Variants in LRRFIP1 observed in about 807,000 individuals in gnomAD.
The protein encoded by LRRFIP1 is LRR binding FLII interacting protein 1.
In LRRFIP1, 62 loss-of-function variants were observed where a neutral mutation model predicts 104.4. The ratio of observed to expected loss-of-function variants is 0.59; its 90% CI spans 0.48 to 0.73. LRRFIP1 has a LOEUF of 0.73. LRRFIP1 is among the 30% of genes least tolerant of loss of function. The probability of loss-of-function intolerance (pLI) is 0.00; values close to 1 mark genes in which losing one functional copy is unlikely to be tolerated. For synonymous variants in LRRFIP1, 300 were observed against 299.0 expected (o/e 1.00, Z -0.03); for missense variants, 796 against 824.5 (o/e 0.97, Z 0.42).
intron 1 of LRRFIP1, among the ~76,000 whole-genome samples, chr2:237,693,469 C>T (rs921521853): frequency 1.3e-5 from 2 of 152,176 alleles, no homozygotes; most frequent in Admixed American, 6.5e-5. Flanking sequence ...CTTTGCTTGT[C>T]AGATGGTTGC....
At chr2:237,631,948 C>A (rs1414870679) in intron 1 of LRRFIP1, among the ~76,000 whole-genome samples, 4 of 152,228 alleles carry the variant, frequency 2.6e-5, no homozygotes, top group African/African-American at 9.6e-5. Context: ...CAAGCTGGCC[C>A]CTCTGTGGCC....
Position 237,709,855 on chromosome 2 carries a change from AT to A in LRRFIP1, c.183+1240del, listed in dbSNP as rs112212389. Among the ~76,000 whole-genome samples the A allele has an allele frequency of 5.7e-3, 827 of 144,358 alleles. 1 individual carries two copies. Among genetic ancestry groups the A allele is most frequent in the South Asian group, 9.5e-3 (43 of 4,548 alleles). 94.7% of individuals were successfully genotyped at this position (144,358 alleles called of 152,430 possible). A position where few individuals can be genotyped will look rare whatever the true frequency, so the allele number is the denominator to read the frequency against. ...TGGTTTTTAAATATGTATATGTATAATTTTTTTTTTTTTTTGAGATCAAGTC... is the reference window on the plus strand; with the variant it reads ...TGGTTTTTAAATATGTATATGTATAATTTTTTTTTTTTTTGAGATCAAGTC... On this transcript the variant is annotated intron_variant, in intron 2 of 23. Coordinates refer to ENST00000308482, the MANE Select transcript of LRRFIP1 (RefSeq NM_001137550.2).
rs780236570 is a variant in LRRFIP1, at chr2:237,733,791, C to T, written c.462C>T (p.Ser154=). 7.4e-6 allele frequency: 12 copies of T among 1,614,052 alleles called. No individual in the cohort carries two copies. The highest frequency in any genetic ancestry group is 2.7e-5 in the African/African-American group (2 of 75,074). Residue 154 remains serine (S), a synonymous_variant, in exon 9 of 24, where the codon AGC becomes AGT. Transcript: ENST00000308482. ...RRSGRPSCLY[S]AARPSGSYRA... ...TCCTCCAGCCCTCCTGTCTGTACAG[C>T]GCTGCCCGGCCTTCGGGGAGTTACC...
rs1474383702 is a variant in LRRFIP1 at position 237,640,905 on chromosome 2, G to A, written c.96+13165G>A. Among the ~76,000 whole-genome samples, 10 of 152,198 alleles carry A rather than the reference G, an allele frequency of 6.6e-5. No individual in the cohort carries two copies. In the South Asian group the frequency reaches 1.5e-3, roughly 22 times the overall value. On this transcript the variant is annotated intron_variant, in intron 1 of 23. Transcript: ENST00000308482. ...CTCTCTTTTCGCTTGGCCAAAAGGC[G>A]TGCATCTCAGCCTGCTGGGATGGGA...
At chr2:237,698,190 A>G (rs148954951) in intron 1 of LRRFIP1, among the ~76,000 whole-genome samples, 1 of 152,386 alleles carries the variant, frequency 6.6e-6, no homozygotes, top group African/African-American at 2.4e-5. Context: ...AGCAAAACAG[A>G]CACAGTCTGT....
intron 1 of LRRFIP1, among the ~76,000 whole-genome samples, chr2:237,678,552 C>T (rs999672148): frequency 1.3e-5 from 2 of 152,112 alleles, no homozygotes; most frequent in African/African-American, 2.4e-5. Flanking sequence ...GTCACCCAGG[C>T]TGGAATGCAG....
chr2:237,687,130 A>G (rs59076761), intron 1 of LRRFIP1, among the ~76,000 whole-genome samples: 6,506 of 152,320 alleles, frequency 0.043, 372 homozygotes, highest in African/African-American at 0.13. Context: ...AGGGCTGAGG[A>G]GACCTGGGTT....
chr2:237,770,010 A>G lies in LRRFIP1; in HGVS notation c.1509+18A>G. The stretch of plus-strand genomic sequence containing the variant: ...TGGAACAGGTAACAATCTTTTTATT[A>G]CTTTACCGGTTCATGAACAGGGCAC... On this transcript the variant is annotated intron_variant, in intron 20 of 23. Coordinates refer to ENST00000308482, the MANE Select transcript of LRRFIP1 (RefSeq NM_001137550.2). 6.3e-7 allele frequency: 1 copy of G among 1,592,620 alleles called. No individual in the cohort carries two copies.
chr2:237,758,959 G>A, intron 18 of LRRFIP1, 138 bp downstream of exon 18: 1 of 573,234 alleles, frequency 1.7e-6, no homozygotes, highest in Non-Finnish European at 3.0e-6. Context: ...TTCATATATT[G>A]GGTTAACTGA....
intron 1 of LRRFIP1, among the ~76,000 whole-genome samples, chr2:237,704,167 T>TC (rs2093687829): frequency 6.6e-6 from 1 of 150,796 alleles, no homozygotes; most frequent in East Asian, 1.9e-4. Context: ...TTTTTTTTTT[T>TC]TTCAAGGCAG....
At chr2:237,763,912 TC>T in intron 19 of LRRFIP1, 2 of 1,614,186 alleles carry the variant, frequency 1.2e-6, no homozygotes, top group South Asian at 2.2e-5. Flanking sequence ...AACATGAAAG[TC>T]CCTCACAGGA....
chr2:237,757,394 C>G, intron 16 of LRRFIP1, 62 bp from the exon 17 acceptor site: 2 of 1,103,430 alleles, frequency 1.8e-6, no homozygotes, highest in Non-Finnish European at 2.7e-6. Context: ...GGTTCTCTCT[C>G]GGGCTGGGGT....
chr2:237,692,668 C>A, intron 1 of LRRFIP1: 1 of 1,136,900 alleles, frequency 8.8e-7, no homozygotes, highest in Non-Finnish European at 1.2e-6. Context: ...TGGGAGCGGG[C>A]GCAGTGGGCG....
intron 1 of LRRFIP1, among the ~76,000 whole-genome samples, chr2:237,702,185 C>T (rs2093572856): frequency 6.6e-6 from 1 of 152,184 alleles, no homozygotes; most frequent in African/African-American, 2.4e-5. Flanking sequence ...CACACCACCT[C>T]CCTATCAGAG....
intron 1 of LRRFIP1, among the ~76,000 whole-genome samples, chr2:237,695,971 A>G (rs897275635): frequency 6.6e-6 from 1 of 152,204 alleles, no homozygotes; most frequent in African/African-American, 2.4e-5. Flanking sequence ...TTCCAAAACA[A>G]TAAACCAAAA....
chr2:237,679,799 G>A (rs2091599008), intron 1 of LRRFIP1, among the ~76,000 whole-genome samples: 2 of 152,104 alleles, frequency 1.3e-5, no homozygotes, highest in Admixed American at 6.6e-5. Context: ...GTAGAGACAG[G>A]GTTTCACCAT....
chr2:237,661,158 T>C lies in LRRFIP1; in HGVS notation c.96+33418T>C, dbSNP rs899445336. On this transcript the variant is annotated intron_variant, in intron 1 of 23. Transcript: ENST00000308482. The surrounding 1 kb of genome is among the most constrained non-coding windows in gnomAD (Gnocchi z 4.4). ...AGCACTGTGAACAAACAGGGAAGGA[T>C]ATCTGGGGCCACGCAGGGAGACCCT... 2.0e-5 allele frequency among the ~76,000 whole-genome samples: 3 copies of C among 152,266 alleles called. No homozygotes were observed. The highest frequency in any genetic ancestry group is 1.9e-4 in the East Asian group (1 of 5,178).
At chr2:237,746,820 A>G (rs905709497) in intron 11 of LRRFIP1, among the ~76,000 whole-genome samples, 1 of 152,220 alleles carries the variant, frequency 6.6e-6, no homozygotes, top group Non-Finnish European at 1.5e-5. Context: ...GGTCTTGGAC[A>G]GGGCCTCAGG....
chr2:237,689,974 G>C (rs2092655675), intron 1 of LRRFIP1, among the ~76,000 whole-genome samples: 1 of 152,228 alleles, frequency 6.6e-6, no homozygotes, highest in Non-Finnish European at 1.5e-5. Context: ...TCCAGGCACA[G>C]AAGCTAAGTA....
Sources: allele counts gnomAD v4.1 joint callset (sites outside exome capture counted in the v4.1 genomes callset), GRCh38; gene constraint gnomAD v4.1.1; non-coding constraint Gnocchi (gnomAD v3.1); transcripts MANE v1.5; gene names NCBI Gene and HGNC (gene_info 2026-07-23, HGNC 2026-07-21).